Variants in CACNA1A observed in about 807,000 individuals in gnomAD.
CACNA1A encodes calcium voltage-gated channel subunit alpha1 A, also known as voltage-dependent P/Q-type calcium channel subunit alpha-1A.
A neutral mutation model predicts 262.4 loss-of-function variants in CACNA1A; 57 were observed. The observed-to-expected ratio is 0.22, with a 90% confidence interval of 0.18 to 0.27. The LOEUF (loss-of-function observed/expected upper bound fraction) is 0.27. Among genes scored for constraint, CACNA1A ranks in the 10% least tolerant of loss-of-function variants. The probability of loss-of-function intolerance (pLI) is 1.00; values close to 1 mark genes in which losing one functional copy is unlikely to be tolerated. For synonymous variants in CACNA1A, 1,431 were observed against 1,419.3 expected, an observed-to-expected ratio of 1.01 and a Z score of -0.18; for missense variants, 2,526 against 3,562.8, an observed-to-expected ratio of 0.71 and a Z score of 7.41.
intron 5 of CACNA1A, among the ~76,000 whole-genome samples, chr19:13,361,141 T>C (rs1489491487): frequency 2.0e-5 from 3 of 152,118 alleles, no homozygotes; most frequent in African/African-American, 7.2e-5. Flanking sequence ...AGGGAGCTGT[T>C]CTGGGGGTGA....
chr19:13,389,478 G>A (rs899358047), intron 3 of CACNA1A, among the ~76,000 whole-genome samples: 2 of 152,160 alleles, frequency 1.3e-5, no homozygotes, highest in Admixed American at 1.3e-4. Flanking sequence ...GAGTACTACC[G>A]ATATGTCTCC....
rs200333359 is a variant in CACNA1A at position 13,286,646 on chromosome 19, G to C, written c.3410C>G (p.Pro1137Arg). The C allele has an allele frequency of 1.3e-4, 194 of 1,544,684 alleles. No homozygotes were observed. The highest frequency in any genetic ancestry group is 3.5e-4 in the Middle Eastern group (2 of 5,680). Reference sequence around the variant, plus strand: ...GATAAGGCTATTCTCGGGGGTCTTGGGGGGGCCGGGATTGGATGGGTTCCC... The same window carrying C: ...GATAAGGCTATTCTCGGGGGTCTTGCGGGGGCCGGGATTGGATGGGTTCCC... ...NPGNPSNPGP[P>R]KTPENSLIVT... Residue 1137 changes from proline to arginine, a missense_variant, in exon 20 of 47, where the codon CCC (proline) becomes CGC (arginine). Transcript: ENST00000360228.
At position 13,227,545 on chromosome 19, in the gene CACNA1A, G is replaced by GAAAAA. The variant is rs766402500; in HGVS notation, c.5529-23_5529-19dup. On this transcript the variant is annotated intron_variant, in intron 36 of 46. Coordinates refer to ENST00000360228, the MANE Select transcript of CACNA1A (RefSeq NM_001127222.2). ...TGCGGCCCCTGGCAGCACCGAAAAT[G>GAAAAA]AAAAAAACAAAAACAAAAACAAAAA... 1 of 1,482,518 alleles carries GAAAAA rather than the reference G, an allele frequency of 6.7e-7. No individual in the cohort carries two copies. The highest frequency in any genetic ancestry group is 2.0e-5 in the Admixed American group (1 of 49,276). 91.8% of individuals were successfully genotyped at this position (1,482,518 alleles called of 1,614,324 possible). A position where few individuals can be genotyped will look rare whatever the true frequency, so the allele number is the denominator to read the frequency against.
chr19:13,224,636 C>G (rs765143375), intron 38 of CACNA1A, 31 bp downstream of exon 38: 10 of 1,495,370 alleles, frequency 6.7e-6, no homozygotes, highest in Non-Finnish European at 8.3e-6. Context: ...CCTGTCACGC[C>G]TGTCTGTGCC....
Position 13,308,187 on chromosome 19 carries a change from G to A in CACNA1A, c.1846C>T (p.Leu616=), listed in dbSNP as rs2057947608. The A allele has an allele frequency of 6.2e-7, 1 of 1,613,958 alleles. No individual in the cohort carries two copies. Among genetic ancestry groups the A allele is most frequent in the African/African-American group, 1.3e-5 (1 of 75,040 alleles). ...ATGAACAGGAAAAGGAGAAACAACA[G>A]GCTGATGATGGACTTCATGGAGTTG... ...LLNSMKSIIS[L]LFLLFLFIVV... The change falls in exon 14 of 47, where the codon CTG becomes TTG. Residue 616 remains leucine (L), a synonymous_variant. Transcript: ENST00000360228. The surrounding 1 kb of genome is among the most constrained non-coding windows in gnomAD (Gnocchi z 4.2).
At position 13,207,302 on chromosome 19, in the gene CACNA1A, C is replaced by G; in HGVS notation, c.*11G>C. The G allele has an allele frequency of 6.5e-7, 1 of 1,544,838 alleles. No individual in the cohort carries two copies. Among genetic ancestry groups the G allele is most frequent in the East Asian group, 2.4e-5 (1 of 41,118 alleles). On this transcript the variant is annotated 3_prime_UTR_variant, in exon 47 of 47. Transcript: ENST00000360228. This position sits in a 1 kb window ranked among gnomAD's most constrained non-coding sequence, Gnocchi z 5.7. ...GCGTGGGGGGCCGGGCGGGCGCCAC[C>G]TCGCCCGGGCTTAGCACCAATCATC...
At chr19:13,440,440 G>C (rs1008112810) in intron 3 of CACNA1A, among the ~76,000 whole-genome samples, 34 of 152,194 alleles carry the variant, frequency 2.2e-4, no homozygotes, top group African/African-American at 8.0e-4. Flanking sequence ...ACTAATAATA[G>C]CAAACGTTCC....
intron 38 of CACNA1A, among the ~76,000 whole-genome samples, chr19:13,222,143 G>A (rs2055255092): frequency 6.6e-6 from 1 of 151,840 alleles, no homozygotes; most frequent in South Asian, 2.1e-4. Context: ...CTGACCTCAA[G>A]TGATCCACCC....
chr19:13,278,478 T>G (rs539886707), intron 22 of CACNA1A, among the ~76,000 whole-genome samples: 1 of 152,300 alleles, frequency 6.6e-6, no homozygotes, highest in East Asian at 1.9e-4. Context: ...CAGTGAGGAC[T>G]CCCCTGACCG....
At chr19:13,255,344 G>A (rs146501264) in intron 28 of CACNA1A, 85 bp from the exon 29 acceptor site, 15 of 1,286,596 alleles carry the variant, frequency 1.2e-5, no homozygotes, top group African/African-American at 6.0e-5. Flanking sequence ...AACTCGTCGC[G>A]GTTCTCAAGT....
At chr19:13,368,130 C>A (rs576306993) in intron 4 of CACNA1A, among the ~76,000 whole-genome samples, 2 of 151,812 alleles carry the variant, frequency 1.3e-5, no homozygotes. Flanking sequence ...GCCTGAGCAG[C>A]GTGGTGAAAC....
intron 3 of CACNA1A, among the ~76,000 whole-genome samples, chr19:13,375,714 G>C (rs1278662102): frequency 6.6e-6 from 1 of 152,138 alleles, no homozygotes; most frequent in Non-Finnish European, 1.5e-5. Context: ...CTTGGTCCCA[G>C]GAAGTCAAGG....
At chr19:13,246,190 C>T (rs945411800) in intron 30 of CACNA1A, among the ~76,000 whole-genome samples, 2 of 152,224 alleles carry the variant, frequency 1.3e-5, no homozygotes, top group Admixed American at 1.3e-4. Flanking sequence ...CTTAACCTCT[C>T]TGGGCCTCCA....
Position 13,415,739 on chromosome 19 carries a change from C to T in CACNA1A, c.539+37137G>A, listed in dbSNP as rs933957005. Among the ~76,000 whole-genome samples, 3 of 40,810 alleles carry T rather than the reference C, an allele frequency of 7.4e-5. No individual in the cohort carries two copies. The Admixed American group carries it at 1.1e-3, about 15-fold the overall frequency. 26.8% of individuals were successfully genotyped at this position (40,810 alleles called of 152,430 possible). A position where few individuals can be genotyped will look rare whatever the true frequency, so the allele number is the denominator to read the frequency against. ...TGGTCAACAGAGCGAGACTCTGTCT[C>T]AATTAAAAAAAAAAAAAAAAAAAAA... On this transcript the variant is annotated intron_variant, in intron 3 of 46. Coordinates refer to ENST00000360228, the MANE Select transcript of CACNA1A (RefSeq NM_001127222.2).
At chr19:13,221,866 G>A (rs958808589) in intron 38 of CACNA1A, among the ~76,000 whole-genome samples, 3 of 152,028 alleles carry the variant, frequency 2.0e-5, no homozygotes, top group East Asian at 3.9e-4. Flanking sequence ...TGGAGAGTGA[G>A]CCCTGAGCTA....
rs776453198 is a variant in CACNA1A, at chr19:13,257,347, C to T, written c.4590+3G>A. On this transcript the variant is annotated splice_donor_region_variant and intron_variant, in intron 28 of 46. Coordinates refer to ENST00000360228, the MANE Select transcript of CACNA1A (RefSeq NM_001127222.2). ...AAAGGACAGATGGAATTGGAAGTGG[C>T]ACCTCATTTTTCTCCAGGCTGTATT... 22 of 1,612,388 alleles carry T rather than the reference C, an allele frequency of 1.4e-5. No individual in the cohort carries two copies. Among genetic ancestry groups the T allele is most frequent in the Non-Finnish European group, 1.9e-5 (22 of 1,178,602 alleles).
At chr19:13,266,511 G>A (rs78028292) in intron 24 of CACNA1A, among the ~76,000 whole-genome samples, 2 of 152,124 alleles carry the variant, frequency 1.3e-5, no homozygotes, top group African/African-American at 4.8e-5. Flanking sequence ...GTCTCCATGG[G>A]CATTCTGCAT....
intron 24 of CACNA1A, among the ~76,000 whole-genome samples, chr19:13,264,823 C>T (rs1223113922): frequency 1.3e-5 from 2 of 151,774 alleles, no homozygotes; most frequent in African/African-American, 4.8e-5. Flanking sequence ...ACAGAAAACT[C>T]TTCAAAGGCT....
At position 13,212,812 on chromosome 19, in the gene CACNA1A, G is replaced by T; in HGVS notation, c.5941-72C>A. 1 of 670,182 alleles carries T rather than the reference G, an allele frequency of 1.5e-6. No homozygotes were observed. The allele number at this position is 670,182 out of a possible 1,614,324, so 41.5% of individuals were successfully genotyped here. A position where few individuals can be genotyped will look rare whatever the true frequency, so the allele number is the denominator to read the frequency against. On this transcript the variant is annotated intron_variant, in intron 40 of 46. Coordinates refer to ENST00000360228, the MANE Select transcript of CACNA1A (RefSeq NM_001127222.2). The surrounding 1 kb of genome is among the most constrained non-coding windows in gnomAD (Gnocchi z 5.6). ...GGGACGGTGGTACCCAGAAGGCATT[G>T]CGACATCCCCAGTATACACACACAC...
Sources: allele counts gnomAD v4.1 joint callset (sites outside exome capture counted in the v4.1 genomes callset), GRCh38; gene constraint gnomAD v4.1.1; non-coding constraint Gnocchi (gnomAD v3.1); transcripts MANE v1.5; gene names NCBI Gene and HGNC (gene_info 2026-07-23, HGNC 2026-07-21).